Variants in SHC3 observed in about 807,000 individuals in gnomAD.
SHC3 encodes the protein SHC-transforming protein 3.
A neutral mutation model predicts 60.4 loss-of-function variants in SHC3; 15 were observed. That is an observed-to-expected ratio of 0.25 (90% CI 0.17 to 0.38). The LOEUF (loss-of-function observed/expected upper bound fraction) is 0.38, where lower values mean the gene tolerates loss of function less well. Among genes scored for constraint, SHC3 ranks in the 10% least tolerant of loss-of-function variants. SHC3 has a pLI of 1.00. For synonymous variants in SHC3, 294 were observed against 325.9 expected (o/e 0.90, Z 1.05); for missense variants, 677 against 786.1 (o/e 0.86, Z 1.66).
At position 89,013,205 on chromosome 9, in the gene SHC3, T is replaced by TA; in HGVS notation, c.*241dup. On this transcript the variant is annotated 3_prime_UTR_variant, in exon 12 of 12. Transcript: ENST00000375835. Reference sequence around the variant, plus strand: ...ATTAGTCTTACATCTTTCTTAGTCTTAAAAAATATAAATATAGAGGGATAA... The same window carrying TA: ...ATTAGTCTTACATCTTTCTTAGTCTTAAAAAAATATAAATATAGAGGGATAA... The TA allele has an allele frequency of 3.1e-6, 1 of 325,586 alleles. No individual in the cohort carries two copies. The highest frequency in any genetic ancestry group is 5.5e-6 in the Non-Finnish European group (1 of 182,688). 20.2% of individuals were successfully genotyped at this position (325,586 alleles called of 1,614,324 possible).
At chr9:89,171,432 T>G (rs886636097) in intron 1 of SHC3, among the ~76,000 whole-genome samples, 12 of 152,212 alleles carry the variant, frequency 7.9e-5, no homozygotes, top group African/African-American at 2.4e-4. Context: ...GAAGGCCAAG[T>G]TCCAGAGTTT....
intron 7 of SHC3, among the ~76,000 whole-genome samples, chr9:89,048,955 T>G (rs1824818038): frequency 6.6e-6 from 1 of 152,164 alleles, no homozygotes; most frequent in African/African-American, 2.4e-5. Flanking sequence ...CCCTTGTCAC[T>G]GCTCTGCTTT....
chr9:89,048,873 A>G (rs1289078382), intron 7 of SHC3, among the ~76,000 whole-genome samples: 1 of 152,116 alleles, frequency 6.6e-6, no homozygotes, highest in Admixed American at 6.5e-5. Context: ...ACCCTGCGGG[A>G]CACCAGGAGC....
At chr9:89,168,204 G>A (rs898485468) in intron 1 of SHC3, among the ~76,000 whole-genome samples, 2 of 152,206 alleles carry the variant, frequency 1.3e-5, no homozygotes, top group Non-Finnish European at 1.5e-5. Flanking sequence ...GGTGGCTCAC[G>A]CCTGTAATCC....
intron 1 of SHC3, among the ~76,000 whole-genome samples, chr9:89,124,370 T>C (rs971083246): frequency 6.6e-6 from 1 of 152,176 alleles, no homozygotes; most frequent in Non-Finnish European, 1.5e-5. Context: ...ATCATTCTAC[T>C]ATAAAGACAC....
rs111745073 is a variant in SHC3 at position 89,042,309 on chromosome 9, A to G, written c.1202-125T>C. ...CTCCTCCTTCGGATTCCTATGGGTG[A>G]TATTCTCCTCTTCTGAGCTTGTCAC... On this transcript the variant is annotated intron_variant, in intron 9 of 11. Coordinates refer to ENST00000375835, the MANE Select transcript of SHC3 (RefSeq NM_016848.6). 4.4e-4 allele frequency: 455 copies of G among 1,045,230 alleles called. 1 individual carries two copies. In the African/African-American group the frequency reaches 5.8e-3, roughly 13 times the overall value. 64.7% of individuals were successfully genotyped at this position (1,045,230 alleles called of 1,614,324 possible). A position where few individuals can be genotyped will look rare whatever the true frequency, so the allele number is the denominator to read the frequency against.
chr9:89,086,255 G>A (rs1243588028), intron 2 of SHC3, among the ~76,000 whole-genome samples: 1 of 152,112 alleles, frequency 6.6e-6, no homozygotes, highest in African/African-American at 2.4e-5. Flanking sequence ...CCCCACTTCC[G>A]ATGCCAATCT....
At chr9:89,073,763 G>A (rs1161968501) in intron 4 of SHC3, among the ~76,000 whole-genome samples, 1 of 152,194 alleles carries the variant, frequency 6.6e-6, no homozygotes. Flanking sequence ...GGGGAGTTCA[G>A]GGAGAAGATC....
At chr9:89,157,023 G>A (rs1200158820) in intron 1 of SHC3, among the ~76,000 whole-genome samples, 3 of 151,996 alleles carry the variant, frequency 2.0e-5, no homozygotes, top group Non-Finnish European at 2.9e-5. Context: ...AAACCCTTAC[G>A]TTTAAGCCAT....
At chr9:89,021,149 G>A (rs145322285) in intron 11 of SHC3, among the ~76,000 whole-genome samples, 1 of 152,318 alleles carries the variant, frequency 6.6e-6, no homozygotes, top group East Asian at 1.9e-4. Context: ...TGTTCCAACT[G>A]TATGGAAAGT....
chr9:89,162,440 A>T (rs1000164376), intron 1 of SHC3, among the ~76,000 whole-genome samples: 3 of 151,420 alleles, frequency 2.0e-5, no homozygotes, highest in African/African-American at 7.3e-5. Flanking sequence ...ATAATGCCGC[A>T]TATCTACAAC....
chr9:89,147,827 C>T (rs537857709), intron 1 of SHC3, among the ~76,000 whole-genome samples: 24 of 152,242 alleles, frequency 1.6e-4, no homozygotes, highest in African/African-American at 5.5e-4. Flanking sequence ...CACCCCAGCT[C>T]ACCTCCGAAA....
At position 89,010,003 on chromosome 9, in the gene SHC3, G is replaced by C. The variant is rs981617171; in HGVS notation, c.*3444C>G. ...CCCTTTAGGGTCCACCCTTCCCTAG[G>C]CCTGTCCTTCCTTTTAAGTTAGGAC... On this transcript the variant is annotated 3_prime_UTR_variant, in exon 12 of 12. Transcript: ENST00000375835. 1 of 152,170 alleles carries C rather than the reference G, an allele frequency of 6.6e-6. No homozygotes were observed. Among genetic ancestry groups the C allele is most frequent in the African/African-American group, 2.4e-5 (1 of 41,442 alleles). The allele number at this position is 152,170 out of a possible 1,614,324, so 9.4% of individuals were successfully genotyped here.
intron 1 of SHC3, among the ~76,000 whole-genome samples, chr9:89,133,000 A>C (rs56153054): frequency 0.059 from 8,937 of 152,290 alleles, 351 homozygotes; most frequent in Admixed American, 0.11. Flanking sequence ...AAATTTTTAC[A>C]ATCTACCCAT....
intron 1 of SHC3, among the ~76,000 whole-genome samples, chr9:89,151,500 T>C (rs1826545485): frequency 6.6e-6 from 1 of 152,160 alleles, no homozygotes; most frequent in Non-Finnish European, 1.5e-5. Flanking sequence ...AAAGCCCTCA[T>C]TAGACATTGA....
intron 4 of SHC3, 39 bp downstream of exon 4, chr9:89,075,070 G>A: frequency 1.9e-6 from 3 of 1,607,258 alleles, no homozygotes; most frequent in South Asian, 1.1e-5. Context: ...CATCACCTGG[G>A]GCTGTGGGCA....
chr9:89,044,970 C>A (rs1489330144), intron 9 of SHC3, among the ~76,000 whole-genome samples: 1 of 152,112 alleles, frequency 6.6e-6, no homozygotes, highest in African/African-American at 2.4e-5. Context: ...GGCTTCACAT[C>A]CCCCCTGAAG....
At chr9:89,048,891 GGATAA>G (rs1391256415) in intron 7 of SHC3, among the ~76,000 whole-genome samples, 1 of 152,160 alleles carries the variant, frequency 6.6e-6, no homozygotes, top group Non-Finnish European at 1.5e-5. Context: ...AGCCTCTGCA[GGATAA>G]GGTGAGGGGG....
chr9:89,104,395 G>A (rs1056436335), intron 2 of SHC3, among the ~76,000 whole-genome samples: 2 of 152,182 alleles, frequency 1.3e-5, no homozygotes, highest in Non-Finnish European at 2.9e-5. Flanking sequence ...TCAGCAATCT[G>A]TGTTGTAACT....
Sources: allele counts gnomAD v4.1 joint callset (sites outside exome capture counted in the v4.1 genomes callset), GRCh38; gene constraint gnomAD v4.1.1; transcripts MANE v1.5; gene names NCBI Gene and HGNC (gene_info 2026-07-23, HGNC 2026-07-21).